Variants in SIPA1L2 observed in about 807,000 individuals in gnomAD.
SIPA1L2 encodes signal induced proliferation associated 1 like 2.
In SIPA1L2, 56 loss-of-function variants were observed where a neutral mutation model predicts 163.9. That is an observed-to-expected ratio of 0.34 (90% confidence interval 0.28 to 0.43). SIPA1L2 has a LOEUF of 0.43. Among genes scored for constraint, SIPA1L2 ranks in the 20% least tolerant of loss-of-function variants. The pLI is 1.00. For missense variants in SIPA1L2, 1,974 were observed against 2,193.5 expected, an observed-to-expected ratio of 0.90 and a Z score of 2.00; for synonymous variants, 877 against 865.7, an observed-to-expected ratio of 1.01 and a Z score of -0.23.
intron 1 of SIPA1L2, among the ~76,000 whole-genome samples, chr1:232,620,687 A>G (rs1187558078): frequency 2.6e-5 from 4 of 152,248 alleles, no homozygotes; most frequent in African/African-American, 9.6e-5. Flanking sequence ...AGTTACTGCA[A>G]TGATTGCGTC....
At chr1:232,457,198 A>T (rs1178686907) in intron 10 of SIPA1L2, among the ~76,000 whole-genome samples, 3 of 152,240 alleles carry the variant, frequency 2.0e-5, no homozygotes, top group Admixed American at 6.5e-5. Flanking sequence ...TTATTCCAGC[A>T]GCTTCTGAGT....
chr1:232,462,175 G>C, intron 9 of SIPA1L2: 1 of 1,503,098 alleles, frequency 6.7e-7, no homozygotes, highest in Non-Finnish European at 9.1e-7. Flanking sequence ...CACTAATGCA[G>C]CCCTCAAAAG....
intron 1 of SIPA1L2, among the ~76,000 whole-genome samples, chr1:232,576,676 G>C (rs1249897119): frequency 3.3e-5 from 5 of 152,192 alleles, no homozygotes; most frequent in African/African-American, 1.2e-4. Context: ...CGAAAGCTAA[G>C]CCTCTTGCGC....
At chr1:232,425,320 A>G (rs1448419709) in intron 18 of SIPA1L2, among the ~76,000 whole-genome samples, 1 of 152,070 alleles carries the variant, frequency 6.6e-6, no homozygotes, top group Non-Finnish European at 1.5e-5. Context: ...TAGCTGAGAT[A>G]TGATGCAGAA....
chr1:232,421,147 T>C (rs1031514688), intron 18 of SIPA1L2, among the ~76,000 whole-genome samples: 1 of 152,184 alleles, frequency 6.6e-6, no homozygotes, highest in Non-Finnish European at 1.5e-5. Flanking sequence ...TGGGCACAGT[T>C]GGGTAGATGC....
At chr1:232,523,310 A>G (rs1179944753) in intron 2 of SIPA1L2, among the ~76,000 whole-genome samples, 1 of 152,188 alleles carries the variant, frequency 6.6e-6, no homozygotes, top group Admixed American at 6.5e-5. Flanking sequence ...ACTGCTTCCC[A>G]TTAAATCTTT....
intron 19 of SIPA1L2, among the ~76,000 whole-genome samples, chr1:232,413,939 C>T (rs925472553): frequency 6.6e-6 from 1 of 152,032 alleles, no homozygotes; most frequent in Admixed American, 6.5e-5. Context: ...CTCTGGGTTG[C>T]TCTGGACAGA....
At chr1:232,472,047 G>A (rs1385747482) in intron 7 of SIPA1L2, among the ~76,000 whole-genome samples, 7 of 152,198 alleles carry the variant, frequency 4.6e-5, no homozygotes, top group Admixed American at 2.0e-4. Context: ...AACCCTGGCC[G>A]TTTAAAATGC....
intron 1 of SIPA1L2, among the ~76,000 whole-genome samples, chr1:232,583,284 C>T (rs1660480208): frequency 6.6e-6 from 1 of 152,126 alleles, no homozygotes; most frequent in South Asian, 2.1e-4. Context: ...TCATCACAAG[C>T]ACGACTATCC....
intron 19 of SIPA1L2, among the ~76,000 whole-genome samples, chr1:232,412,538 G>A (rs1005438111): frequency 1.3e-5 from 2 of 152,146 alleles, no homozygotes; most frequent in African/African-American, 2.4e-5. Flanking sequence ...ATAAAGTTAT[G>A]AGCAGGGCAA....
chr1:232,432,494 G>A (rs780864272), intron 15 of SIPA1L2, 23 bp from the exon 16 acceptor site: 3 of 1,600,112 alleles, frequency 1.9e-6, no homozygotes, highest in African/African-American at 1.3e-5. Context: ...ACAGACAAAA[G>A]CTGCAATACA....
intron 10 of SIPA1L2, among the ~76,000 whole-genome samples, chr1:232,452,582 T>C (rs998055337): frequency 2.6e-5 from 4 of 152,186 alleles, no homozygotes; most frequent in Non-Finnish European, 5.9e-5. Context: ...CATCAATAAT[T>C]TGGACACTGG....
chr1:232,566,450 C>T (rs2247873), intron 2 of SIPA1L2, among the ~76,000 whole-genome samples: 23,687 of 152,124 alleles, frequency 0.16, 3,430 homozygotes, highest in East Asian at 0.5. Context: ...CAATGTGGTA[C>T]GTGGAAAAGC....
chr1:232,610,571 C>T (rs375885036), intron 1 of SIPA1L2, among the ~76,000 whole-genome samples: 2 of 152,194 alleles, frequency 1.3e-5, no homozygotes, highest in Admixed American at 1.3e-4. Context: ...TTTGTATGTT[C>T]GTCAGTTTGT....
intron 10 of SIPA1L2, 89 bp from the exon 11 acceptor site, chr1:232,445,875 T>C: frequency 7.2e-7 from 1 of 1,396,990 alleles, no homozygotes; most frequent in Non-Finnish European, 9.9e-7. Context: ...TCAACACACA[T>C]CACATGGTGT....
chr1:232,495,191 T>C (rs534183319), intron 3 of SIPA1L2, among the ~76,000 whole-genome samples: 1 of 152,314 alleles, frequency 6.6e-6, no homozygotes, highest in Admixed American at 6.5e-5. Flanking sequence ...ATTTGCTGTT[T>C]GCAACCAAAT....
At chr1:232,553,382 G>T (rs982772492) in intron 2 of SIPA1L2, among the ~76,000 whole-genome samples, 1 of 152,146 alleles carries the variant, frequency 6.6e-6, no homozygotes, top group South Asian at 2.1e-4. Flanking sequence ...GGTACAGGAC[G>T]GGGGGGCGTA....
rs879351073 is a variant in SIPA1L2, at chr1:232,454,755, G to A, written c.3095+6132C>T. ...AACATTCAAAATGAAAAAACACGTG[G>A]GCACTGAAGTGTAGATTATTACTTG... is the stretch of plus-strand genomic sequence containing the variant. On this transcript the variant is annotated intron_variant, in intron 10 of 22. Transcript: ENST00000674635. Among the ~76,000 whole-genome samples, 18 of 152,190 alleles carry A rather than the reference G, an allele frequency of 1.2e-4. No homozygotes were observed. In the East Asian group the frequency reaches 3.3e-3, roughly 28 times the overall value.
chr1:232,593,855 A>G (rs1337150487), intron 1 of SIPA1L2, among the ~76,000 whole-genome samples: 1 of 152,188 alleles, frequency 6.6e-6, no homozygotes, highest in Non-Finnish European at 1.5e-5. Flanking sequence ...CCCTCACCTA[A>G]GGGGCCTCTT....
Sources: gnomAD v4.1 joint callset for allele counts (sites outside exome capture counted in the v4.1 genomes callset) on GRCh38, gnomAD v4.1.1 for gene constraint, MANE v1.5 for transcripts, NCBI Gene and HGNC (gene_info 2026-07-23, HGNC 2026-07-21) for gene names.